Variants in RMST observed in about 807,000 individuals in gnomAD.
RMST encodes the protein long intergenic non-protein coding RNA 54.
chr12:97,493,697 C>T (rs1609685), intron 7 of RMST, among the ~76,000 whole-genome samples: 28,373 of 152,094 alleles, frequency 0.19, 2,986 homozygotes, highest in Middle Eastern at 0.26. Context: ...CACAATCACA[C>T]TTACAAATAT....
intron 10 of RMST, among the ~76,000 whole-genome samples, chr12:97,507,597 G>A (rs1024270028): frequency 1.8e-4 from 27 of 152,188 alleles, no homozygotes; most frequent in Admixed American, 1.2e-3. Flanking sequence ...ACTTATACCA[G>A]AAGTAGGCCA....
At chr12:97,495,177 G>T (rs1371173368) in intron 9 of RMST, among the ~76,000 whole-genome samples, 2 of 18,044 alleles carry the variant, frequency 1.1e-4, no homozygotes, top group Non-Finnish European at 3.1e-4. Flanking sequence ...TTATTCTTAT[G>T]GGGGGGGAGC....
chr12:97,540,994 G>A (rs1882469144), intron 11 of RMST, among the ~76,000 whole-genome samples: 1 of 133,726 alleles, frequency 7.5e-6, no homozygotes, highest in African/African-American at 2.7e-5. Flanking sequence ...AGATACACAA[G>A]TCCTTTTTGT....
intron 11 of RMST, among the ~76,000 whole-genome samples, chr12:97,544,829 G>A (rs1882815019): frequency 6.6e-6 from 1 of 151,870 alleles, no homozygotes; most frequent in Admixed American, 6.6e-5. Context: ...TAATCCTGTT[G>A]ATTCCTGCTA....
At chr12:97,486,744 G>C (rs1876159978) in intron 5 of RMST, among the ~76,000 whole-genome samples, 1 of 152,136 alleles carries the variant, frequency 6.6e-6, no homozygotes, top group African/African-American at 2.4e-5. Flanking sequence ...TTAAAGATTT[G>C]AATGAGTGGT....
At chr12:97,492,244 G>A (rs941562647) in intron 5 of RMST, among the ~76,000 whole-genome samples, 11 of 152,146 alleles carry the variant, frequency 7.2e-5, no homozygotes, top group African/African-American at 2.2e-4. Context: ...GAGGTTGTTC[G>A]TGCAGGTTTA....
intron 11 of RMST, among the ~76,000 whole-genome samples, chr12:97,553,603 A>C (rs756796429): frequency 2.0e-5 from 3 of 152,296 alleles, no homozygotes; most frequent in East Asian, 1.9e-4. Context: ...TGAGCAGTGA[A>C]CTTTGGCTTA....
intron 11 of RMST, among the ~76,000 whole-genome samples, chr12:97,536,308 A>G (rs1592761152): frequency 1.1e-5 from 1 of 92,724 alleles, no homozygotes; most frequent in Non-Finnish European, 1.9e-5. Flanking sequence ...AAAATAATTG[A>G]AAAAAAAACT....
chr12:97,478,117 T>TCAAACACTTGGTATTGGGCTTTGA (rs1168618288), intron 5 of RMST, among the ~76,000 whole-genome samples: 2 of 152,208 alleles, frequency 1.3e-5, no homozygotes, highest in Non-Finnish European at 2.9e-5. Flanking sequence ...TGATTTGTCA[T>TCAAACACTTGGTATTGGGCTTTGA]CAAACACTTG....
At chr12:97,535,593 G>C (rs1274727466) in intron 11 of RMST, among the ~76,000 whole-genome samples, 1 of 151,604 alleles carries the variant, frequency 6.6e-6, no homozygotes, top group Non-Finnish European at 1.5e-5. Flanking sequence ...TAGCTAGTCA[G>C]TGGCACAGCC....
At chr12:97,538,662 G>A (rs1198613348) in intron 11 of RMST, among the ~76,000 whole-genome samples, 1 of 151,392 alleles carries the variant, frequency 6.6e-6, no homozygotes, top group Non-Finnish European at 1.5e-5. Context: ...CGAGCTAAAT[G>A]GGGGTGATTT....
intron 9 of RMST, among the ~76,000 whole-genome samples, chr12:97,495,374 A>G (rs1000018153): frequency 1.3e-5 from 2 of 152,158 alleles, no homozygotes; most frequent in African/African-American, 4.8e-5. Context: ...TAATGTCTGC[A>G]TGACAAGAAA....
intron 5 of RMST, among the ~76,000 whole-genome samples, chr12:97,470,409 T>C (rs1262298554): frequency 6.6e-6 from 1 of 151,782 alleles, no homozygotes; most frequent in Non-Finnish European, 1.5e-5. Flanking sequence ...ATGCAGTTCA[T>C]ACATGTTTTA....
intron 5 of RMST, chr12:97,491,695 C>A: frequency 3.9e-6 from 1 of 256,620 alleles, no homozygotes. Flanking sequence ...ATTTCGATAC[C>A]CATATGCATC....
chr12:97,523,713 C>T (rs1880747009), intron 10 of RMST, among the ~76,000 whole-genome samples: 1 of 152,114 alleles, frequency 6.6e-6, no homozygotes, highest in African/African-American at 2.4e-5. Flanking sequence ...GCACAGCTTG[C>T]ATCTTATCTC....
intron 4 of RMST, among the ~76,000 whole-genome samples, chr12:97,463,747 A>T (rs1482549170): frequency 6.6e-6 from 1 of 152,222 alleles, no homozygotes; most frequent in Non-Finnish European, 1.5e-5. Flanking sequence ...AGCTGTCACA[A>T]AAAGATAAGA....
chr12:97,546,449 G>A (rs1054012381), intron 11 of RMST, among the ~76,000 whole-genome samples: 2 of 151,990 alleles, frequency 1.3e-5, no homozygotes, highest in African/African-American at 4.8e-5. Context: ...AGGCATGGTA[G>A]CACACACTTC....
intron 11 of RMST, among the ~76,000 whole-genome samples, chr12:97,541,726 AAAAG>A (rs1431637646): frequency 2.1e-5 from 3 of 143,288 alleles, no homozygotes; most frequent in Non-Finnish European, 4.7e-5. Flanking sequence ...GATTTAAAAA[AAAAG>A]AAAAAGAAAA....
chr12:97,466,423 A>T (rs1164585949), intron 5 of RMST, among the ~76,000 whole-genome samples: 6 of 152,142 alleles, frequency 3.9e-5, no homozygotes, highest in Non-Finnish European at 8.8e-5. Context: ...TTAATTTCCC[A>T]AGATTTAATT....
Sources: allele counts gnomAD v4.1 joint callset (sites outside exome capture counted in the v4.1 genomes callset), GRCh38; gene constraint gnomAD v4.1.1; transcripts MANE v1.5; gene names NCBI Gene and HGNC (gene_info 2026-07-23, HGNC 2026-07-21).